GABRA3: variants seen among roughly 807,000 people sequenced by gnomAD.
GABRA3 encodes gamma-aminobutyric acid receptor subunit alpha-3.
Under a neutral mutation model 30.1 loss-of-function variants are expected in GABRA3, and 10 were observed. The ratio of observed to expected loss-of-function variants is 0.33; its 90% CI spans 0.20 to 0.56. The LOEUF is 0.56. Among genes scored for constraint, GABRA3 ranks in the 20% least tolerant of loss-of-function variants. The pLI, the probability that GABRA3 is intolerant of heterozygous loss-of-function variation, is 0.89. For missense variants in GABRA3, 233 were observed against 392.0 expected (o/e 0.59, Z 3.42); for synonymous variants, 151 against 146.8 (o/e 1.03, Z -0.21).
chrX:152,388,716 C>T (rs1305588952), intron 1 of GABRA3, among the ~76,000 whole-genome samples: 1 of 112,403 alleles, frequency 8.9e-6, no homozygotes, highest in East Asian at 2.8e-4. Context: ...CAGGCAGATA[C>T]TGCATGTATT....
At chrX:152,428,059 C>A (rs1320477883) in intron 1 of GABRA3, among the ~76,000 whole-genome samples, 1 of 112,423 alleles carries the variant, frequency 8.9e-6, no homozygotes, top group Non-Finnish European at 1.9e-5. Flanking sequence ...CTTGCCCCTG[C>A]AATGTACTTG....
At chrX:152,278,332 T>A (rs903028516) in intron 4 of GABRA3, among the ~76,000 whole-genome samples, 32 of 105,807 alleles carry the variant, frequency 3.0e-4, no homozygotes, top group African/African-American at 1.7e-4. Flanking sequence ...ATTGTTCAAT[T>A]CCCACCTATG....
At chrX:152,371,122 C>T (rs1312584371) in intron 1 of GABRA3, among the ~76,000 whole-genome samples, 2 of 111,088 alleles carry the variant, frequency 1.8e-5, no homozygotes, top group Non-Finnish European at 3.8e-5. Flanking sequence ...CTGGAAAAAT[C>T]TGCATAATGC....
intron 4 of GABRA3, among the ~76,000 whole-genome samples, chrX:152,262,098 AG>A (rs1404224230): frequency 2.7e-5 from 3 of 112,155 alleles, no homozygotes; most frequent in African/African-American, 9.7e-5. Context: ...GGCCTCTTTT[AG>A]CCACAGCTGG....
chrX:152,246,368 A>C (rs1316299781), intron 5 of GABRA3, among the ~76,000 whole-genome samples: 1 of 111,724 alleles, frequency 9.0e-6, no homozygotes, highest in Non-Finnish European at 1.9e-5. Context: ...GGAACTGGCA[A>C]AAATGAAATA....
At chrX:152,340,901 G>T (rs2124479178) in intron 3 of GABRA3, among the ~76,000 whole-genome samples, 1 of 88,797 alleles carries the variant, frequency 1.1e-5, no homozygotes, top group Admixed American at 1.1e-4. Context: ...AATACCCTTT[G>T]GGTACAAGTG....
intron 3 of GABRA3, among the ~76,000 whole-genome samples, chrX:152,310,514 T>A (rs1416359724): frequency 9.0e-6 from 1 of 110,695 alleles, no homozygotes; most frequent in Non-Finnish European, 1.9e-5. Context: ...AATTAAACAA[T>A]ATACAAAGAT....
intron 6 of GABRA3, among the ~76,000 whole-genome samples, chrX:152,208,577 C>G (rs925694391): frequency 1.3e-4 from 14 of 111,471 alleles, no homozygotes; most frequent in African/African-American, 4.6e-4. Context: ...AAAATGCAAA[C>G]CCCAGTGTTG....
intron 2 of GABRA3, among the ~76,000 whole-genome samples, chrX:152,352,692 T>A (rs371859564): frequency 1.1e-4 from 12 of 111,874 alleles, no homozygotes; most frequent in African/African-American, 3.9e-4. Context: ...TTTTTTTAAA[T>A]AATAAAAATT....
intron 4 of GABRA3, among the ~76,000 whole-genome samples, chrX:152,263,858 G>T (rs780204118): frequency 9.0e-6 from 1 of 111,629 alleles, no homozygotes; most frequent in African/African-American, 3.2e-5. Flanking sequence ...AACATGCAAT[G>T]GATCTCCAAT....
chrX:152,370,709 C>T (rs1210898295), intron 1 of GABRA3, among the ~76,000 whole-genome samples: 1 of 111,453 alleles, frequency 9.0e-6, no homozygotes, highest in Non-Finnish European at 1.9e-5. Flanking sequence ...AGCCTCAGCT[C>T]TATCCTAATC....
chrX:152,212,540 C>G (rs1018781632), intron 6 of GABRA3, among the ~76,000 whole-genome samples: 1 of 109,348 alleles, frequency 9.1e-6, no homozygotes, highest in Non-Finnish European at 1.9e-5. Flanking sequence ...GGAAGGATCA[C>G]CCTAGCTGCC....
At chrX:152,363,289 G>A (rs1928562258) in intron 2 of GABRA3, among the ~76,000 whole-genome samples, 1 of 112,005 alleles carries the variant, frequency 8.9e-6, no homozygotes, top group South Asian at 3.7e-4. Context: ...AGTCATAAAA[G>A]TATAAAGAAA....
chrX:152,274,162 G>GT (rs1200028840), intron 4 of GABRA3, among the ~76,000 whole-genome samples: 1 of 111,512 alleles, frequency 9.0e-6, no homozygotes, highest in African/African-American at 3.3e-5. Context: ...CTCTAACTTT[G>GT]TATGTTTCAA....
chrX:152,323,067 G>C (rs528741182), intron 3 of GABRA3, among the ~76,000 whole-genome samples: 2 of 108,631 alleles, frequency 1.8e-5, no homozygotes, highest in East Asian at 5.8e-4. Context: ...TGGTCAGGAC[G>C]GTCTTGATCT....
At chrX:152,180,965 G>A (rs886941451) in intron 9 of GABRA3, among the ~76,000 whole-genome samples, 1 of 112,189 alleles carries the variant, frequency 8.9e-6, no homozygotes, top group Non-Finnish European at 1.9e-5. Context: ...TTGAAGTCAG[G>A]TAATACGATG....
chrX:152,269,973 A>C (rs911339141), intron 4 of GABRA3, among the ~76,000 whole-genome samples: 2 of 112,172 alleles, frequency 1.8e-5, no homozygotes, highest in Non-Finnish European at 3.8e-5. Context: ...ATGGACAACC[A>C]AAGTAAAAAT....
chrX:152,438,270 C>T (rs1462634770), intron 1 of GABRA3, among the ~76,000 whole-genome samples: 2 of 111,676 alleles, frequency 1.8e-5, no homozygotes, highest in African/African-American at 3.3e-5. Flanking sequence ...TCACTACACA[C>T]CTATTAGAAT....
chrX:152,262,888 A>T (rs964874355), intron 4 of GABRA3, among the ~76,000 whole-genome samples: 1 of 112,048 alleles, frequency 8.9e-6, no homozygotes, highest in Admixed American at 9.5e-5. Flanking sequence ...CACACTGCTA[A>T]TAAAGACATA....
Sources: allele counts gnomAD v4.1 joint callset (sites outside exome capture counted in the v4.1 genomes callset), GRCh38; gene constraint gnomAD v4.1.1; transcripts MANE v1.5; gene names NCBI Gene and HGNC (gene_info 2026-07-23, HGNC 2026-07-21).